Variants in CHD7 observed in about 807,000 individuals in gnomAD.
CHD7 encodes ATP-dependent chromatin remodeler CHD7.
Under a neutral mutation model 307.3 loss-of-function variants are expected in CHD7, and 24 were observed. The observed-to-expected ratio is 0.08, with a 90% CI of 0.06 to 0.11. The LOEUF is 0.11. CHD7 is among the 10% of genes least tolerant of loss of function. The pLI is 1.00. For missense variants in CHD7, 3,106 were observed against 3,727.1 expected (o/e 0.83, Z 4.34); for synonymous variants, 1,363 against 1,349.9 (o/e 1.01, Z -0.21).
chr8:60,762,429 G>A (rs1810260782), intron 2 of CHD7, among the ~76,000 whole-genome samples: 1 of 152,164 alleles, frequency 6.6e-6, no homozygotes, highest in Admixed American at 6.5e-5. Flanking sequence ...ATGTTGAAGA[G>A]CATGGCCCTG....
intron 15 of CHD7, among the ~76,000 whole-genome samples, chr8:60,834,190 T>C (rs1586412813): frequency 6.6e-6 from 1 of 152,234 alleles, no homozygotes; most frequent in Non-Finnish European, 1.5e-5. Flanking sequence ...AAAATTTAAC[T>C]GAAACCCAAA....
intron 1 of CHD7, among the ~76,000 whole-genome samples, chr8:60,713,831 AT>A: frequency 6.6e-6 from 1 of 152,058 alleles, no homozygotes; most frequent in Admixed American, 6.5e-5. Flanking sequence ...TCAGCTTAAC[AT>A]CTTAGATCGG....
At chr8:60,855,681 A>T (rs1354921880) in intron 32 of CHD7, among the ~76,000 whole-genome samples, 1 of 152,236 alleles carries the variant, frequency 6.6e-6, no homozygotes, top group Non-Finnish European at 1.5e-5. Flanking sequence ...GATATTTTGA[A>T]GGTGGTGATT....
chr8:60,713,490 A>G (rs761946628), intron 1 of CHD7, among the ~76,000 whole-genome samples: 2 of 152,178 alleles, frequency 1.3e-5, no homozygotes, highest in African/African-American at 2.4e-5. Context: ...TAGAATATAG[A>G]GGGTGATAGG....
At chr8:60,862,055 TG>T (rs1316463737) in intron 35 of CHD7, 140 bp from the exon 36 acceptor site, 6 of 657,306 alleles carry the variant, frequency 9.1e-6, no homozygotes. Context: ...GAGAAAAATA[TG>T]GTTTCTAATA....
At position 60,798,457 on chromosome 8, in the gene CHD7, G is replaced by A. The variant is rs148077711; in HGVS notation, c.2239-1931G>A. On this transcript the variant is annotated intron_variant, in intron 4 of 37. Transcript: ENST00000423902. ...TTGATGGTCATATTATACCGAGTTT[G>A]TATCGTGAACTGTCTCAAATCCCTT... 1.1e-4 allele frequency among the ~76,000 whole-genome samples: 16 copies of A among 152,316 alleles called. No individual in the cohort carries two copies. The East Asian group carries it at 3.1e-3, about 29-fold the overall frequency.
chr8:60,791,795 G>T (rs1811784638), intron 3 of CHD7, among the ~76,000 whole-genome samples: 1 of 152,192 alleles, frequency 6.6e-6, no homozygotes, highest in Non-Finnish European at 1.5e-5. Context: ...GGAGTGCACT[G>T]TGGGTCTGTT....
chr8:60,757,691 T>C (rs563785678), intron 2 of CHD7, among the ~76,000 whole-genome samples: 18 of 152,312 alleles, frequency 1.2e-4, no homozygotes, highest in Non-Finnish European at 1.9e-4. Context: ...AGGGGGACTT[T>C]TAGAAAATAG....
In CHD7 at chr8:60,852,124, A is replaced by G. The variant is rs769144470; in HGVS notation, c.5771A>G (p.Tyr1924Cys). The change falls in exon 29 of 38, where the codon TAT (tyrosine) becomes TGT (cysteine). Residue 1924 changes from tyrosine to cysteine, a missense_variant. Transcript: ENST00000423902. Reference protein sequence around the residue: ...RRLITAYQRSYKRQQMRQEAL... With the variant: ...RRLITAYQRSCKRQQMRQEAL... ...CTCATTACTGCCTATCAGCGCAGCT[A>G]TAAAAGGCAACAGATGAGGCAAGAG... 1 of 1,614,042 alleles carries G rather than the reference A, an allele frequency of 6.2e-7. No homozygotes were observed. The highest frequency in any genetic ancestry group is 8.5e-7 in the Non-Finnish European group (1 of 1,179,892).
chr8:60,699,833 CTT>C (rs35196950), intron 1 of CHD7, among the ~76,000 whole-genome samples: 124 of 146,720 alleles, frequency 8.5e-4, no homozygotes, highest in African/African-American at 1.1e-3. Context: ...GATATTATTT[CTT>C]TTTTTTTTTT....
At chr8:60,862,364 C>T in intron 36 of CHD7, 28 bp downstream of exon 36, 1 of 1,583,618 alleles carries the variant, frequency 6.3e-7, no homozygotes, top group South Asian at 1.2e-5. Flanking sequence ...GAATTGATCA[C>T]TATGCGATTT....
intron 17 of CHD7, 37 bp from the exon 18 acceptor site, chr8:60,837,631 T>G (rs1804799177): frequency 6.8e-7 from 1 of 1,481,300 alleles, no homozygotes; most frequent in Non-Finnish European, 9.1e-7. Flanking sequence ...AAACATTAGG[T>G]TCATTGCAGT....
At chr8:60,692,272 T>C (rs994892047) in intron 1 of CHD7, among the ~76,000 whole-genome samples, 2 of 152,242 alleles carry the variant, frequency 1.3e-5, no homozygotes, top group African/African-American at 2.4e-5. Context: ...GATGGATGAC[T>C]GATTAAGCGT....
At chr8:60,769,301 A>G (rs886664407) in intron 2 of CHD7, among the ~76,000 whole-genome samples, 12 of 152,312 alleles carry the variant, frequency 7.9e-5, no homozygotes, top group Middle Eastern at 3.4e-3. Flanking sequence ...TACTCCCTCA[A>G]ACTGGGTTCA....
intron 31 of CHD7, 30 bp from the exon 32 acceptor site, chr8:60,854,333 G>T: frequency 6.2e-7 from 1 of 1,600,300 alleles, no homozygotes; most frequent in South Asian, 1.1e-5. Context: ...TACTGTGGTT[G>T]TGAGTAATGC....
At chr8:60,824,770 A>G (rs1428337862) in intron 13 of CHD7, 1 of 152,116 alleles carries the variant, frequency 6.6e-6, no homozygotes, top group Non-Finnish European at 1.5e-5. Context: ...TTCCCAAGAG[A>G]TGATCAGGTC....
intron 1 of CHD7, among the ~76,000 whole-genome samples, chr8:60,738,521 T>A (rs1808823497): frequency 6.6e-6 from 1 of 152,190 alleles, no homozygotes; most frequent in Non-Finnish European, 1.5e-5. Flanking sequence ...ATATCTTTTA[T>A]AGAAACACAA....
At chr8:60,833,511 C>CT (rs375122391) in intron 15 of CHD7, among the ~76,000 whole-genome samples, 3 of 151,682 alleles carry the variant, frequency 2.0e-5, no homozygotes, top group African/African-American at 7.3e-5. Flanking sequence ...AAAATAGTAA[C>CT]TTTTTTTTTC....
chr8:60,783,128 TA>T (rs1811338387), intron 3 of CHD7, among the ~76,000 whole-genome samples: 1 of 152,124 alleles, frequency 6.6e-6, no homozygotes, highest in African/African-American at 2.4e-5. Context: ...AAAAATGGAT[TA>T]AAAAAAGAAA....
Sources: gnomAD v4.1 joint callset for allele counts (sites outside exome capture counted in the v4.1 genomes callset) on GRCh38, gnomAD v4.1.1 for gene constraint, MANE v1.5 for transcripts, NCBI Gene and HGNC (gene_info 2026-07-23, HGNC 2026-07-21) for gene names.